Variants in AOPEP observed in about 807,000 individuals in gnomAD.
AOPEP encodes aminopeptidase O (putative).
AOPEP carries 77 observed loss-of-function variants against 98.1 expected under a neutral mutation model. That is an observed-to-expected ratio of 0.78 (90% CI 0.65 to 0.95). The LOEUF (loss-of-function observed/expected upper bound fraction) is 0.95, where lower values mean the gene tolerates loss of function less well. AOPEP is among the 40% of genes least tolerant of loss of function. AOPEP has a pLI of 0.00. For missense variants in AOPEP, 1,024 were observed against 1,024.7 expected (o/e 1.00, Z 0.01); for synonymous variants, 346 against 365.3 (o/e 0.95, Z 0.60).
intron 13 of AOPEP, among the ~76,000 whole-genome samples, chr9:95,044,165 A>G (rs1040643556): frequency 6.6e-6 from 1 of 152,204 alleles, no homozygotes; most frequent in African/African-American, 2.4e-5. Context: ...TGAAACAGAT[A>G]AGACATTTAC....
At position 94,996,965 on chromosome 9, in the gene AOPEP, G is replaced by T. The variant is rs1472000147; in HGVS notation, c.1978-8193G>T. Among the ~76,000 whole-genome samples, 6 of 152,136 alleles carry T rather than the reference G, an allele frequency of 3.9e-5. No homozygotes were observed. The East Asian group carries it at 1.2e-3, about 29-fold the overall frequency. ...AGCCAGCAATCTTCCAAATGCAGATGTTCATTTCAAGGGAATGGATGGCAG... is the reference window on the plus strand; with the variant it reads ...AGCCAGCAATCTTCCAAATGCAGATTTTCATTTCAAGGGAATGGATGGCAG... On this transcript the variant is annotated intron_variant, in intron 11 of 16. Coordinates refer to ENST00000375315, the MANE Select transcript of AOPEP (RefSeq NM_001193329.3).
At chr9:94,797,003 G>T (rs1347561184) in intron 4 of AOPEP, among the ~76,000 whole-genome samples, 1 of 152,226 alleles carries the variant, frequency 6.6e-6, no homozygotes, top group Non-Finnish European at 1.5e-5. Context: ...AACACATTGA[G>T]ACTGATTATT....
chr9:95,134,071 G>C, the AOPEP span, among the ~76,000 whole-genome samples: 3 of 152,184 alleles, frequency 2.0e-5, no homozygotes, highest in African/African-American at 7.2e-5. Context: ...TTCAAGTCAG[G>C]TGGGATCCGT....
chr9:94,792,422 T>A (rs1447171295), intron 3 of AOPEP, among the ~76,000 whole-genome samples: 1 of 152,066 alleles, frequency 6.6e-6, no homozygotes, highest in Non-Finnish European at 1.5e-5. Flanking sequence ...CTAAATACTG[T>A]GTTGGATGAA....
chr9:95,088,400 G>A (rs944810613), downstream of AOPEP, among the ~76,000 whole-genome samples: 1 of 152,062 alleles, frequency 6.6e-6, no homozygotes, highest in African/African-American at 2.4e-5. Flanking sequence ...GTGGAGATGG[G>A]GTTTCACCAC....
the AOPEP span, among the ~76,000 whole-genome samples, chr9:95,102,287 G>C: frequency 6.6e-6 from 1 of 152,214 alleles, no homozygotes; most frequent in Non-Finnish European, 1.5e-5. Context: ...TGTTTTCACA[G>C]AAACAGCCCC....
intron 7 of AOPEP, among the ~76,000 whole-genome samples, chr9:94,953,371 A>G (rs756632950): frequency 1.3e-5 from 2 of 152,212 alleles, no homozygotes; most frequent in South Asian, 2.1e-4. Flanking sequence ...TTTCATCATC[A>G]TCTTTCCTTT....
intron 7 of AOPEP, chr9:94,928,759 C>T: frequency 2.1e-6 from 1 of 473,274 alleles, no homozygotes; most frequent in Non-Finnish European, 3.8e-6. Flanking sequence ...AGCATGAGGC[C>T]ATTTCCGGGG....
chr9:95,004,672 C>A (rs897554446), intron 11 of AOPEP, among the ~76,000 whole-genome samples: 1 of 151,052 alleles, frequency 6.6e-6, no homozygotes, highest in East Asian at 2.0e-4. Context: ...GGGCCCCTCT[C>A]GCTGCCGGGA....
At chr9:94,883,863 T>A (rs1038649688) in intron 5 of AOPEP, among the ~76,000 whole-genome samples, 1 of 152,132 alleles carries the variant, frequency 6.6e-6, no homozygotes, top group Non-Finnish European at 1.5e-5. Context: ...CTGAAGACCA[T>A]GTGAAGAGGA....
chr9:94,875,064 G>GCATT (rs1385320241), intron 5 of AOPEP, among the ~76,000 whole-genome samples: 1 of 152,090 alleles, frequency 6.6e-6, no homozygotes, highest in Non-Finnish European at 1.5e-5. Flanking sequence ...GAAGTTTTAT[G>GCATT]AAGTATGCAT....
At chr9:95,106,820 C>G in the AOPEP span, among the ~76,000 whole-genome samples, 1 of 152,170 alleles carries the variant, frequency 6.6e-6, no homozygotes, top group African/African-American at 2.4e-5. Context: ...GCTTTGGCAG[C>G]AAGCCGTGGG....
At position 95,087,016 on chromosome 9, in the gene AOPEP, T is replaced by C; in HGVS notation, c.*339T>C. The C allele has an allele frequency of 1.1e-6, 1 of 875,358 alleles. No individual in the cohort carries two copies. Among genetic ancestry groups the C allele is most frequent in the Non-Finnish European group, 1.4e-6 (1 of 728,658 alleles). 54.2% of individuals were successfully genotyped at this position (875,358 alleles called of 1,614,324 possible). On this transcript the variant is annotated 3_prime_UTR_variant, in exon 17 of 17. Transcript: ENST00000375315. ...TGCTGAACATTTTACATTGGTCTGC[T>C]CAGCACATGGCTGGATGCGGATATT... is the stretch of plus-strand genomic sequence containing the variant.
intron 5 of AOPEP, among the ~76,000 whole-genome samples, chr9:94,884,926 G>A (rs909331967): frequency 2.0e-5 from 3 of 150,048 alleles, no homozygotes; most frequent in African/African-American, 2.5e-5. Flanking sequence ...GGAGAATGGC[G>A]TGAACCCGGG....
At chr9:94,822,887 G>A (rs780487038) in intron 5 of AOPEP, among the ~76,000 whole-genome samples, 3 of 152,100 alleles carry the variant, frequency 2.0e-5, no homozygotes, top group African/African-American at 7.2e-5. Flanking sequence ...TATCTCGCCC[G>A]TCTCCTAAGT....
At chr9:94,876,104 G>A (rs913897848) in intron 5 of AOPEP, among the ~76,000 whole-genome samples, 1 of 152,194 alleles carries the variant, frequency 6.6e-6, no homozygotes, top group Admixed American at 6.5e-5. Flanking sequence ...AACAGTATTT[G>A]AGTCTAATTG....
intron 11 of AOPEP, among the ~76,000 whole-genome samples, chr9:95,002,045 C>T (rs894503098): frequency 1.3e-5 from 2 of 151,782 alleles, no homozygotes; most frequent in South Asian, 2.1e-4. Flanking sequence ...TCCCAAAGTG[C>T]GGGGATTACA....
At chr9:95,133,507 TAC>T in the AOPEP span, among the ~76,000 whole-genome samples, 1 of 152,256 alleles carries the variant, frequency 6.6e-6, no homozygotes, top group Non-Finnish European at 1.5e-5. Context: ...CTGAGCATTA[TAC>T]AGTTATGTGC....
the AOPEP span, among the ~76,000 whole-genome samples, chr9:95,138,194 A>G: frequency 6.6e-6 from 1 of 152,240 alleles, no homozygotes; most frequent in Non-Finnish European, 1.5e-5. Flanking sequence ...CGCAGCTGGT[A>G]ACACTTGAAG....
Sources: gnomAD v4.1 joint callset for allele counts (sites outside exome capture counted in the v4.1 genomes callset) on GRCh38, gnomAD v4.1.1 for gene constraint, MANE v1.5 for transcripts, NCBI Gene and HGNC (gene_info 2026-07-23, HGNC 2026-07-21) for gene names.